The following TEX9 variants were observed in gnomAD, a reference collection of about 807,000 sequenced individuals.
TEX9 encodes testis expressed 9, also known as testis-expressed protein 9.
Under a neutral mutation model 59.6 loss-of-function variants are expected in TEX9, and 74 were observed. The ratio of observed to expected loss-of-function variants is 1.24; its 90% confidence interval spans 1.03 to 1.51. The LOEUF (loss-of-function observed/expected upper bound fraction) is 1.51. Among genes scored for constraint, TEX9 ranks in the 40% most tolerant of loss-of-function variants. The pLI, the probability that TEX9 is intolerant of heterozygous loss-of-function variation, is 0.00. For synonymous variants in TEX9, 186 were observed against 152.2 expected (o/e 1.22, Z -1.64); for missense variants, 522 against 447.8 (o/e 1.17, Z -1.49).
At chr15:56,352,114 C>T (rs1408778168) in intron 1 of TEX9, among the ~76,000 whole-genome samples, 1 of 152,184 alleles carries the variant, frequency 6.6e-6, no homozygotes. Flanking sequence ...GAACCCACAA[C>T]TTTAACACTT....
intron 9 of TEX9, chr15:56,396,659 G>A (rs577460924): frequency 1.4e-5 from 2 of 143,314 alleles, no homozygotes; most frequent in South Asian, 2.2e-4. Context: ...CCCACTTGTT[G>A]CGGGAGGGAG....
intron 1 of TEX9, among the ~76,000 whole-genome samples, chr15:56,299,707 C>G (rs557249444): frequency 6.6e-6 from 1 of 152,276 alleles, no homozygotes; most frequent in Admixed American, 6.5e-5. Flanking sequence ...AACCGCAGTA[C>G]AATGGGGTAC....
chr15:56,412,248 AG>A, intron 9 of TEX9, 53 bp from the exon 10 acceptor site: 3 of 1,515,188 alleles, frequency 2.0e-6, no homozygotes, highest in Non-Finnish European at 2.7e-6. Context: ...AAAATGATAA[AG>A]GGGGAAACTA....
exon 11 of TEX9, chr15:56,427,668 A>G (rs756797966): frequency 1.3e-6 from 2 of 1,550,340 alleles, no homozygotes; most frequent in Non-Finnish European, 1.7e-6. Context: ...GAAGCTAGAA[A>G]AACAAAAAGG....
At chr15:56,453,731 A>C in the TEX9 span, among the ~76,000 whole-genome samples, 1 of 152,216 alleles carries the variant, frequency 6.6e-6, no homozygotes, top group Non-Finnish European at 1.5e-5. Flanking sequence ...TCCAGTTAAA[A>C]ACAGCAGCAA....
At chr15:56,285,129 GATTA>G (rs2044920804) in intron 1 of TEX9, among the ~76,000 whole-genome samples, 1 of 151,900 alleles carries the variant, frequency 6.6e-6, no homozygotes, top group South Asian at 2.1e-4. Context: ...CCTTCTATGA[GATTA>G]CTTTCCTTTG....
At chr15:56,339,963 G>T (rs577041088) in intron 1 of TEX9, among the ~76,000 whole-genome samples, 2 of 151,990 alleles carry the variant, frequency 1.3e-5, no homozygotes, top group Non-Finnish European at 2.9e-5. Context: ...TCAGTCTGTG[G>T]TATTTTGTTA....
intron 3 of TEX9, among the ~76,000 whole-genome samples, chr15:56,379,673 G>A (rs1476519470): frequency 1.3e-5 from 2 of 152,134 alleles, no homozygotes; most frequent in African/African-American, 4.8e-5. Context: ...TTGTGGTCTA[G>A]CTCTCTCTTT....
chr15:56,428,265 A>G (rs2050416168), intron 11 of TEX9, 102 bp from the exon 12 acceptor site: 1 of 790,236 alleles, frequency 1.3e-6, no homozygotes, highest in Non-Finnish European at 2.1e-6. Context: ...AACAGAACTT[A>G]TATTCTGACA....
intron 12 of TEX9, among the ~76,000 whole-genome samples, chr15:56,440,455 C>T (rs1196454180): frequency 6.6e-6 from 1 of 152,152 alleles, no homozygotes; most frequent in Non-Finnish European, 1.5e-5. Context: ...CCAGCTAATA[C>T]AATCTTGAGC....
intron 1 of TEX9, among the ~76,000 whole-genome samples, chr15:56,269,174 C>T (rs1176762506): frequency 6.6e-6 from 1 of 152,132 alleles, no homozygotes; most frequent in Non-Finnish European, 1.5e-5. Flanking sequence ...GTGATATCCC[C>T]TTTGTCATTT....
At chr15:56,361,275 T>C (rs2046783915), upstream of TEX9, among the ~76,000 whole-genome samples, 1 of 152,224 alleles carries the variant, frequency 6.6e-6, no homozygotes, top group South Asian at 2.1e-4. Context: ...ATTTTTCCTT[T>C]AGCTGCCTTG....
chr15:56,245,455 ATTAGC>A (rs776806323), intron 1 of TEX9, among the ~76,000 whole-genome samples: 15 of 152,288 alleles, frequency 9.8e-5, no homozygotes, highest in Admixed American at 4.6e-4. Flanking sequence ...TAAGGTCTCT[ATTAGC>A]TTAGCCACTT....
upstream of TEX9, among the ~76,000 whole-genome samples, chr15:56,360,954 G>A (rs1446010081): frequency 6.6e-6 from 1 of 152,092 alleles, no homozygotes; most frequent in African/African-American, 2.4e-5. Flanking sequence ...TCTTCCTCCT[G>A]TTTTCTGCCT....
intron 1 of TEX9, among the ~76,000 whole-genome samples, chr15:56,314,556 A>G (rs1488067774): frequency 6.7e-6 from 1 of 149,366 alleles, no homozygotes; most frequent in Non-Finnish European, 1.5e-5. Flanking sequence ...TGCTGAGGAG[A>G]GCTTTACTTC....
chr15:56,302,216 A>G (rs1431491577), intron 1 of TEX9, among the ~76,000 whole-genome samples: 2 of 152,102 alleles, frequency 1.3e-5, no homozygotes, highest in Admixed American at 1.3e-4. Flanking sequence ...GTCTGGGCAC[A>G]GTGGCTCATG....
At chr15:56,370,769 T>G (rs1475571045) in intron 2 of TEX9, among the ~76,000 whole-genome samples, 1 of 152,214 alleles carries the variant, frequency 6.6e-6, no homozygotes, top group African/African-American at 2.4e-5. Context: ...GGATTTGTTT[T>G]CTTTATTCTT....
rs74892556 is a variant in TEX9 at position 56,356,116 on chromosome 15, T to C, written c.-106-17325T>C. ...TTTTATTTCTTCATTTCTAAGATTA[T>C]CAATTGATTGGCCTCGTTATACAAG... On this transcript the variant is annotated intron_variant, in intron 1 of 5. Transcript: ENST00000560827. Among the ~76,000 whole-genome samples, 559 of 152,276 alleles carry C rather than the reference T, an allele frequency of 3.7e-3. 6 individuals carry two copies. Among genetic ancestry groups the C allele is most frequent in the African/African-American group, 0.013 (526 of 41,572 alleles).
At chr15:56,428,857 G>C (rs2050457215) in intron 12 of TEX9, 1 of 429,468 alleles carries the variant, frequency 2.3e-6, no homozygotes, top group African/African-American at 2.1e-5. Flanking sequence ...CTTGAGGATG[G>C]GGATGCAAAC....
Sources: allele counts gnomAD v4.1 joint callset (sites outside exome capture counted in the v4.1 genomes callset), GRCh38; gene constraint gnomAD v4.1.1; transcripts MANE v1.5; gene names NCBI Gene and HGNC (gene_info 2026-07-23, HGNC 2026-07-21).